The following STK32B variants were observed in gnomAD, a reference collection of about 807,000 sequenced individuals.
STK32B encodes serine/threonine-protein kinase 32B.
STK32B carries 43 observed loss-of-function variants against 52.6 expected under a neutral mutation model. That is an observed-to-expected ratio of 0.82 (90% confidence interval 0.64 to 1.05). The LOEUF is 1.05. Ranked by LOEUF, STK32B falls within the 50% of genes least tolerant of loss-of-function variation. The pLI, the probability that STK32B is intolerant of heterozygous loss-of-function variation, is 0.00. For missense variants in STK32B, 621 were observed against 534.6 expected (o/e 1.16, Z -1.59); for synonymous variants, 238 against 204.3 (o/e 1.17, Z -1.41).
intron 6 of STK32B, among the ~76,000 whole-genome samples, chr4:5,428,984 G>C (rs760022871): frequency 2.1e-4 from 32 of 152,146 alleles, no homozygotes; most frequent in Non-Finnish European, 2.9e-4. Context: ...CTCTGGTAAA[G>C]AATAAACAAA....
chr4:5,188,846 C>G (rs538242795), intron 3 of STK32B, among the ~76,000 whole-genome samples: 11 of 143,456 alleles, frequency 7.7e-5, no homozygotes, highest in African/African-American at 2.6e-4. Flanking sequence ...GGGAACATCA[C>G]ACACTGGGGC....
chr4:5,292,085 A>G (rs1484217800), intron 3 of STK32B, among the ~76,000 whole-genome samples: 1 of 152,162 alleles, frequency 6.6e-6, no homozygotes, highest in Non-Finnish European at 1.5e-5. Flanking sequence ...GTTATTGTGA[A>G]CAATGCTGCA....
At chr4:5,466,553 C>A (rs1717448909) in intron 9 of STK32B, 150 bp from the exon 10 acceptor site, 3 of 1,097,388 alleles carry the variant, frequency 2.7e-6, no homozygotes, top group African/African-American at 1.6e-5. Flanking sequence ...TTTTTATCAT[C>A]AGAAAACAGA....
intron 4 of STK32B, among the ~76,000 whole-genome samples, chr4:5,358,495 A>G (rs1734320389): frequency 6.6e-6 from 1 of 152,132 alleles, no homozygotes; most frequent in Admixed American, 6.6e-5. Context: ...GGAATCTTTC[A>G]TTCGTTAATC....
In STK32B at chr4:5,400,135, A is replaced by T. The variant is rs1281635351; in HGVS notation, c.472+1891A>T. Among the ~76,000 whole-genome samples, 1 of 145,542 alleles carries T rather than the reference A, an allele frequency of 6.9e-6. No individual in the cohort carries two copies. Among genetic ancestry groups the T allele is most frequent in the Non-Finnish European group, 1.5e-5 (1 of 67,978 alleles). The stretch of plus-strand genomic sequence containing the variant: ...AAAGTGACACAGAGAGTATGGGGGT[A>T]ACCCAGGACTGCCTGGCTTCATAGT... On this transcript the variant is annotated intron_variant, in intron 5 of 11. Coordinates refer to ENST00000282908, the MANE Select transcript of STK32B (RefSeq NM_018401.3). This position sits in a 1 kb window ranked among gnomAD's most constrained non-coding sequence, Gnocchi z 6.1.
chr4:5,354,168 C>T (rs752735423), intron 4 of STK32B, among the ~76,000 whole-genome samples: 4 of 152,130 alleles, frequency 2.6e-5, no homozygotes, highest in Non-Finnish European at 4.4e-5. Flanking sequence ...TACTCATGTG[C>T]AAGAGCTGAA....
intron 6 of STK32B, among the ~76,000 whole-genome samples, chr4:5,445,346 A>G (rs1244685349): frequency 6.6e-6 from 1 of 152,192 alleles, no homozygotes; most frequent in East Asian, 1.9e-4. Flanking sequence ...GACAGCTTTA[A>G]TCACAACAGT....
Position 5,187,990 on chromosome 4 carries a change from A to T in STK32B, c.260+19540A>T, listed in dbSNP as rs75987345. Reference sequence around the variant, plus strand: ...CTCTTCCTAGGTGTGTACCCCTTGAAAGCCTCAGTTTCCTCGTGTAGGGCG... The same window carrying T: ...CTCTTCCTAGGTGTGTACCCCTTGATAGCCTCAGTTTCCTCGTGTAGGGCG... On this transcript the variant is annotated intron_variant, in intron 3 of 11. Transcript: ENST00000282908. Among the ~76,000 whole-genome samples the T allele has an allele frequency of 2.1e-3, 319 of 152,228 alleles. 6 individuals carry two copies. The East Asian group carries it at 0.051, about 25-fold the overall frequency.
chr4:5,148,645 A>G (rs1717107685), intron 2 of STK32B, among the ~76,000 whole-genome samples: 1 of 151,820 alleles, frequency 6.6e-6, no homozygotes, highest in Admixed American at 6.6e-5. Flanking sequence ...TTTATGCCCA[A>G]CTTATGATCT....
In STK32B at chr4:5,104,994, T is replaced by C. The variant is rs143871154; in HGVS notation, c.53-34911T>C. Among the ~76,000 whole-genome samples, 1,406 of 152,306 alleles carry C rather than the reference T, an allele frequency of 9.2e-3. 11 individuals are homozygous for C. The highest frequency in any genetic ancestry group is 0.015 in the Non-Finnish European group (1,017 of 68,018). On this transcript the variant is annotated intron_variant, in intron 1 of 11. Coordinates refer to ENST00000282908, the MANE Select transcript of STK32B (RefSeq NM_018401.3). ...AGAGTGAAATTTCTAGGTCATAGAG[T>C]ATGCCTGTGCTCAATTATCTAAAGC...
chr4:5,112,642 A>C (rs1714465419), intron 1 of STK32B, among the ~76,000 whole-genome samples: 2 of 152,170 alleles, frequency 1.3e-5, no homozygotes, highest in African/African-American at 4.8e-5. Flanking sequence ...TGACACACTC[A>C]AGATAATGTT....
chr4:5,449,862 C>T (rs552931685), intron 7 of STK32B, among the ~76,000 whole-genome samples: 56 of 152,242 alleles, frequency 3.7e-4, no homozygotes, highest in African/African-American at 9.9e-4. Context: ...CCCCCAGATG[C>T]GACTGCCTAG....
intron 1 of STK32B, among the ~76,000 whole-genome samples, chr4:5,090,178 CT>C (rs1477624744): frequency 6.6e-6 from 1 of 151,898 alleles, no homozygotes; most frequent in Admixed American, 6.6e-5. Context: ...CACTCTGATG[CT>C]AGTTTCTTTT....
At chr4:5,182,695 G>A (rs1577154606) in intron 3 of STK32B, among the ~76,000 whole-genome samples, 1 of 152,094 alleles carries the variant, frequency 6.6e-6, no homozygotes, top group Non-Finnish European at 1.5e-5. Context: ...CTGACCTCAG[G>A]TAATCTGCCT....
In STK32B at chr4:5,230,492, A is replaced by AT. The variant is rs200369290; in HGVS notation, c.260+62044dup. On this transcript the variant is annotated intron_variant, in intron 3 of 11. Transcript: ENST00000282908. Reference sequence around the variant, plus strand: ...GATGTGAGCCACCGCACCCGGCCACATTCCACTTTTACAAGACATTGTCCT... The same window carrying AT: ...GATGTGAGCCACCGCACCCGGCCACATTTCCACTTTTACAAGACATTGTCCT... 2.0e-3 allele frequency among the ~76,000 whole-genome samples: 307 copies of AT among 152,138 alleles called. 8 individuals are homozygous for AT. The East Asian group carries it at 0.05, about 25-fold the overall frequency.
At chr4:5,210,222 C>G (rs532059437) in intron 3 of STK32B, among the ~76,000 whole-genome samples, 1 of 152,070 alleles carries the variant, frequency 6.6e-6, no homozygotes, top group South Asian at 2.1e-4. Context: ...TGTCTTTCTC[C>G]TCCTCCTCCT....
At chr4:5,054,619 G>A (rs954424652) in intron 1 of STK32B, among the ~76,000 whole-genome samples, 10 of 152,302 alleles carry the variant, frequency 6.6e-5, no homozygotes, top group Middle Eastern at 3.4e-3. Flanking sequence ...CCCAGTGGCC[G>A]TGGTCAGGTG....
In STK32B at chr4:5,444,353, G is replaced by A. The variant is rs561538791; in HGVS notation, c.563-2320G>A. On this transcript the variant is annotated intron_variant, in intron 6 of 11. Coordinates refer to ENST00000282908, the MANE Select transcript of STK32B (RefSeq NM_018401.3). ...AAAAGCGCAGTATTTGGGTGGGAGT[G>A]ACCCGATTTTCCAGGTGCCGTCCGT... Among the ~76,000 whole-genome samples the A allele has an allele frequency of 3.5e-4, 54 of 152,322 alleles. No homozygotes were observed. The South Asian group carries it at 0.011, about 32-fold the overall frequency.
intron 3 of STK32B, among the ~76,000 whole-genome samples, chr4:5,174,322 G>A (rs960669603): frequency 4.0e-5 from 6 of 151,880 alleles, no homozygotes; most frequent in African/African-American, 7.3e-5. Flanking sequence ...ATATTGTTAT[G>A]TGTGAATTTG....
Sources: gnomAD v4.1 joint callset for allele counts (sites outside exome capture counted in the v4.1 genomes callset) on GRCh38, gnomAD v4.1.1 for gene constraint, Gnocchi (gnomAD v3.1) non-coding constraint, MANE v1.5 for transcripts, NCBI Gene and HGNC (gene_info 2026-07-23, HGNC 2026-07-21) for gene names.